Variants in CSRP2 observed in about 807,000 individuals in gnomAD.
CSRP2 encodes the protein cysteine and glycine rich protein 2.
CSRP2 carries 18 observed loss-of-function variants against 24.6 expected under a neutral mutation model. The observed-to-expected ratio is 0.73, with a 90% CI of 0.51 to 1.09. The LOEUF (loss-of-function observed/expected upper bound fraction) is 1.09. CSRP2 is among the 50% of genes least tolerant of loss of function. CSRP2 has a pLI of 0.00. For missense variants in CSRP2, 215 were observed against 239.4 expected (o/e 0.90, Z 0.67); for synonymous variants, 87 against 84.3 (o/e 1.03, Z -0.18).
chr12:76,871,525 C>T (rs1250428001), intron 1 of CSRP2, among the ~76,000 whole-genome samples: 3 of 152,154 alleles, frequency 2.0e-5, no homozygotes, highest in Admixed American at 6.5e-5. Flanking sequence ...AATCCCAGCA[C>T]TTTGGGAGGC....
intron 1 of CSRP2, among the ~76,000 whole-genome samples, chr12:76,868,542 T>G (rs1339093741): frequency 2.0e-5 from 3 of 152,236 alleles, no homozygotes; most frequent in African/African-American, 7.2e-5. Context: ...CCCAATCATG[T>G]GGAACTGTGA....
intron 1 of CSRP2, among the ~76,000 whole-genome samples, chr12:76,874,541 C>A (rs1162194434): frequency 6.6e-6 from 1 of 151,990 alleles, no homozygotes; most frequent in East Asian, 1.9e-4. Flanking sequence ...GGCGGGCTTC[C>A]TTTTCCTTTA....
At chr12:76,871,381 T>C (rs1470846014) in intron 1 of CSRP2, among the ~76,000 whole-genome samples, 1 of 152,172 alleles carries the variant, frequency 6.6e-6, no homozygotes, top group African/African-American at 2.4e-5. Context: ...AGGACAAAAC[T>C]GAGCTGATTG....
rs778865651 is a variant in CSRP2, at chr12:76,863,157, C to T, written c.281+19G>A. 2 of 1,599,228 alleles carry T rather than the reference C, an allele frequency of 1.3e-6. No homozygotes were observed. Among genetic ancestry groups the T allele is most frequent in the Non-Finnish European group, 1.7e-6 (2 of 1,170,268 alleles). ...GTCGCAACTCATTTCTGAAGGTAAC[C>T]AACGGTCTCCCAACTCACCTCTCTG... On this transcript the variant is annotated intron_variant, in intron 3 of 5. Transcript: ENST00000311083.
intron 5 of CSRP2, 77 bp downstream of exon 5, chr12:76,859,470 A>G (rs1384362956): frequency 1.1e-6 from 1 of 874,246 alleles, no homozygotes; most frequent in South Asian, 1.8e-5. Flanking sequence ...TTTTTTTTTT[A>G]ATGCCAGTGA....
At chr12:76,865,152 C>G (rs1230462507) in intron 2 of CSRP2, among the ~76,000 whole-genome samples, 1 of 152,178 alleles carries the variant, frequency 6.6e-6, no homozygotes, top group Non-Finnish European at 1.5e-5. Flanking sequence ...AAACAAATGT[C>G]AACAGCATAC....
intron 1 of CSRP2, among the ~76,000 whole-genome samples, chr12:76,872,687 C>T (rs1245087217): frequency 6.6e-6 from 1 of 152,258 alleles, no homozygotes; most frequent in Non-Finnish European, 1.5e-5. Flanking sequence ...GTAAATCAGA[C>T]ATCGCCTCCT....
chr12:76,863,011 G>A, intron 3 of CSRP2, 165 bp downstream of exon 3: 3 of 1,432,072 alleles, frequency 2.1e-6, no homozygotes, highest in South Asian at 3.0e-5. Context: ...AACTTTGTTA[G>A]GTCCAAAACT....
chr12:76,862,663 A>G, intron 3 of CSRP2: 1 of 1,078,630 alleles, frequency 9.3e-7, no homozygotes, highest in Non-Finnish European at 1.2e-6. Context: ...CAAAGCCTTT[A>G]AAGTTTAACA....
intron 2 of CSRP2, chr12:76,864,495 AAAT>A (rs750460122): frequency 1.3e-5 from 2 of 152,242 alleles, no homozygotes; most frequent in Non-Finnish European, 2.9e-5. Flanking sequence ...GGTAACAAAA[AAAT>A]AATAAATGCT....
At chr12:76,874,548 T>C (rs1332855168) in intron 1 of CSRP2, among the ~76,000 whole-genome samples, 1 of 146,016 alleles carries the variant, frequency 6.8e-6, no homozygotes, top group African/African-American at 2.4e-5. Context: ...TTCCTTTTCC[T>C]TTAGGAGCAC....
chr12:76,866,148 C>A lies in CSRP2; in HGVS notation c.112+1G>T, dbSNP rs368852370. 11 of 1,610,028 alleles carry A rather than the reference C, an allele frequency of 6.8e-6. No homozygotes were observed. Among genetic ancestry groups the A allele is most frequent in the Non-Finnish European group, 8.5e-6 (10 of 1,176,406 alleles). On this transcript the variant is annotated splice_donor_variant, in intron 2 of 5. Transcript: ENST00000311083. LOFTEE classifies it high-confidence loss of function. ...AAGGTGGAGCATGGAGAGCTACTTA[C>A]TGCAGAGAAAGCAGCAGCGGTGGAA...
In CSRP2 at chr12:76,859,572, TTCAG is replaced by T. The variant is rs1264853988; in HGVS notation, c.476_479del (p.Thr159LysfsTer37). On this transcript the variant is annotated frameshift_variant, in exon 5 of 6. Coordinates refer to ENST00000311083, the MANE Select transcript of CSRP2 (RefSeq NM_001321.3). LOFTEE classifies it high-confidence loss of function. ...CTTTACAATAGATTTCACCTTCTTTTTCAGTCAGAGTTGTTGATTCAAGACTCTT... is the reference window on the plus strand; with the variant it reads ...CTTTACAATAGATTTCACCTTCTTTTTCAGAGTTGTTGATTCAAGACTCTT... The T allele has an allele frequency of 1.9e-6, 3 of 1,613,712 alleles. No homozygotes were observed. In the South Asian group the frequency reaches 3.3e-5, roughly 18 times the overall value.
At chr12:76,864,037 C>T (rs530662241) in intron 2 of CSRP2, 2 of 152,346 alleles carry the variant, frequency 1.3e-5, no homozygotes, top group South Asian at 4.1e-4. Context: ...GCTTTAAAGT[C>T]TGCATTTGTT....
In CSRP2 at chr12:76,877,123, C is replaced by T. The variant is rs560853826; in HGVS notation, c.-2+1815G>A. ...CCCTTTTGGGGTTCATTTGATTCAC[C>T]TCACTTTTGACAAAGAAGAAAACCT... is the stretch of plus-strand genomic sequence containing the variant. On this transcript the variant is annotated intron_variant, in intron 1 of 5. Coordinates refer to ENST00000311083, the MANE Select transcript of CSRP2 (RefSeq NM_001321.3). 9.8e-5 allele frequency among the ~76,000 whole-genome samples: 15 copies of T among 152,326 alleles called. No individual in the cohort carries two copies. In the South Asian group the frequency reaches 3.1e-3, roughly 32 times the overall value.
At chr12:76,860,642 G>C in intron 3 of CSRP2, 1 of 399,236 alleles carries the variant, frequency 2.5e-6, no homozygotes, top group South Asian at 5.6e-5. Context: ...AAACCAGATA[G>C]GGACCCAAAC....
At chr12:76,876,066 AG>A (rs1421484331) in intron 1 of CSRP2, among the ~76,000 whole-genome samples, 2 of 152,188 alleles carry the variant, frequency 1.3e-5, no homozygotes, top group African/African-American at 4.8e-5. Context: ...GTTCTTCTTA[AG>A]CTGAGTAGTT....
Position 76,860,397 on chromosome 12 carries a change from G to T in CSRP2, c.298C>A (p.Pro100Thr). The T allele has an allele frequency of 6.2e-7, 1 of 1,613,050 alleles. No individual in the cohort carries two copies. The highest frequency in any genetic ancestry group is 8.5e-7 in the Non-Finnish European group (1 of 1,179,734). ...TTAGAAGTGTTTGGATTTGTTGTAG[G>T]CCTGTGAGGCTGAACACTTGTGAAA... ...IKPESVQPHRPTTNPNTSKFA... is the reference protein window; with the variant it reads ...IKPESVQPHRTTTNPNTSKFA... Residue 100 changes from proline (P) to threonine (T), a missense_variant, in exon 4 of 6, where the codon CCT becomes ACT. Transcript: ENST00000311083.
intron 1 of CSRP2, among the ~76,000 whole-genome samples, chr12:76,875,887 T>C (rs1015442651): frequency 2.6e-5 from 4 of 152,240 alleles, no homozygotes; most frequent in Non-Finnish European, 1.5e-5. Context: ...AACTGAGGCA[T>C]AGAGCTATTA....
Sources: gnomAD v4.1 joint callset for allele counts (sites outside exome capture counted in the v4.1 genomes callset) on GRCh38, gnomAD v4.1.1 for gene constraint, MANE v1.5 for transcripts, NCBI Gene and HGNC (gene_info 2026-07-23, HGNC 2026-07-21) for gene names.